The following C20orf204 variants were observed in gnomAD, a reference collection of about 807,000 sequenced individuals.
The protein encoded by C20orf204 is chromosome 20 open reading frame 204, also known as uncharacterized protein C20orf204.
A neutral mutation model predicts 3.6 loss-of-function variants in C20orf204; 6 were observed. The observed-to-expected ratio is 1.68, with a 90% CI of 0.92 to 3.31. The LOEUF (loss-of-function observed/expected upper bound fraction) is 3.31. Ranked by LOEUF, C20orf204 falls within the 30% of genes most tolerant of loss-of-function variation. C20orf204 has a pLI of 0.00. For synonymous variants in C20orf204, 80 were observed against 41.4 expected (o/e 1.93, Z -3.58); for missense variants, 167 against 89.7 (o/e 1.86, Z -3.48).
chr20:64,037,570 C>T, intron 1 of C20orf204: 1 of 204,474 alleles, frequency 4.9e-6, no homozygotes. Flanking sequence ...CCCACTCCCA[C>T]GTGGACCACA....
intron 3 of C20orf204, 63 bp from the exon 4 acceptor site, chr20:64,038,559 C>T: frequency 1.9e-6 from 1 of 521,748 alleles, no homozygotes; most frequent in Non-Finnish European, 3.3e-6. Flanking sequence ...GTCGCGTCTC[C>T]CTTCCCGGGC....
At chr20:64,035,863 CCA>C (rs1422641013), upstream of C20orf204, 1 of 152,458 alleles carries the variant, frequency 6.6e-6, no homozygotes, top group Non-Finnish European at 1.5e-5. Context: ...CACTTGCTGG[CCA>C]CAGAGTCGGC....
At chr20:64,034,434 A>G (rs2059330598), upstream of C20orf204, 1 of 152,286 alleles carries the variant, frequency 6.6e-6, no homozygotes, top group East Asian at 1.9e-4. Flanking sequence ...CCTTGAGGAC[A>G]TGGTCAATCC....
chr20:64,037,248 C>G (rs1253931587), intron 1 of C20orf204: 1 of 152,516 alleles, frequency 6.6e-6, no homozygotes, highest in Non-Finnish European at 1.5e-5. Flanking sequence ...GCTCCTTCCT[C>G]CTCTATAGCT....
chr20:64,037,326 T>A (rs911793042), intron 1 of C20orf204: 2 of 152,242 alleles, frequency 1.3e-5, no homozygotes, highest in African/African-American at 4.8e-5. Context: ...CCTGCCCCAG[T>A]TGGGTTGGGG....
Position 64,038,807 on chromosome 20 carries a change from G to T in C20orf204, c.*48G>T. ...CGGGGAGGAGAACCAGCGGGGCCGCGGCAGAGCCTGGAGACGCGCCTCGTT... is the reference window on the plus strand; with the variant it reads ...CGGGGAGGAGAACCAGCGGGGCCGCTGCAGAGCCTGGAGACGCGCCTCGTT... On this transcript the variant is annotated 3_prime_UTR_variant, in exon 4 of 4. Coordinates refer to ENST00000636176, the MANE Select transcript of C20orf204 (RefSeq NM_001387010.1). 1 of 698,326 alleles carries T rather than the reference G, an allele frequency of 1.4e-6. No homozygotes were observed. Among genetic ancestry groups the T allele is most frequent in the South Asian group, 1.5e-5 (1 of 66,286 alleles). The allele number at this position is 698,326 out of a possible 1,614,324, so 43.3% of individuals were successfully genotyped here.
intron 1 of C20orf204, chr20:64,037,524 C>G (rs1018758543): frequency 5.7e-6 from 1 of 174,226 alleles, no homozygotes; most frequent in African/African-American, 2.4e-5. Context: ...GGGCCCTGCT[C>G]TGTGCGGTCC....
At chr20:64,035,265 C>G (rs1336070744), upstream of C20orf204, 3 of 152,218 alleles carry the variant, frequency 2.0e-5, no homozygotes, top group East Asian at 1.9e-4. Context: ...TGCCCGGGTG[C>G]CAGAGCCTGG....
chr20:64,035,757 G>C (rs2059335611), upstream of C20orf204: 1 of 152,304 alleles, frequency 6.6e-6, no homozygotes, highest in African/African-American at 2.4e-5. Context: ...GCTGGGGCAG[G>C]GCCCCCTGGA....
At position 64,038,393 on chromosome 20, in the gene C20orf204, C is replaced by T; in HGVS notation, c.377C>T (p.Thr126Ile). ...RRGALERAAW[T>I]VAVRTEAVMR... ...GGGGCCCTGGAGAGAGCTGCTTGGA[C>T]CGTGGCTGTGCGCACCGAGGCGGTG... The change falls in exon 3 of 4, where the codon ACC (threonine) becomes ATC (isoleucine). Residue 126 changes from threonine to isoleucine, a missense_variant. Physicochemically the swap from Thr to Ile is moderately conservative, Grantham distance 89. Coordinates refer to ENST00000636176, the MANE Select transcript of C20orf204 (RefSeq NM_001387010.1). 1 of 770,958 alleles carries T rather than the reference C, an allele frequency of 1.3e-6. No individual in the cohort carries two copies. The highest frequency in any genetic ancestry group is 2.4e-6 in the Non-Finnish European group (1 of 415,054). 47.8% of individuals were successfully genotyped at this position (770,958 alleles called of 1,614,324 possible). A position where few individuals can be genotyped will look rare whatever the true frequency, so the allele number is the denominator to read the frequency against.
chr20:64,036,922 CCT>C lies in C20orf204; in HGVS notation c.3+597_3+598del, dbSNP rs1172545605. On this transcript the variant is annotated intron_variant, in intron 1 of 3. Coordinates refer to ENST00000636176, the MANE Select transcript of C20orf204 (RefSeq NM_001387010.1). ...TTGGGGTGCTGCTTGTTCAGGCTCCCCTGACAGGGCTAGGAAGCCGAGTCGAG... is the reference window on the plus strand; with the variant it reads ...TTGGGGTGCTGCTTGTTCAGGCTCCCGACAGGGCTAGGAAGCCGAGTCGAG... 4 of 152,488 alleles carry C rather than the reference CCT, an allele frequency of 2.6e-5. No homozygotes were observed. In the East Asian group the frequency reaches 7.7e-4, roughly 29 times the overall value. The allele number at this position is 152,488 out of a possible 1,614,324, so 9.4% of individuals were successfully genotyped here.
chr20:64,038,411 A>T lies in C20orf204; in HGVS notation c.395A>T (p.Glu132Val). 1.3e-6 allele frequency: 1 copy of T among 770,410 alleles called. No homozygotes were observed. The highest frequency in any genetic ancestry group is 2.4e-6 in the Non-Finnish European group (1 of 414,908). 47.7% of individuals were successfully genotyped at this position (770,410 alleles called of 1,614,324 possible). A position where few individuals can be genotyped will look rare whatever the true frequency, so the allele number is the denominator to read the frequency against. The change falls in exon 3 of 4, where the codon GAG (glutamate) becomes GTG (valine). Residue 132 changes from glutamate to valine, a missense_variant. By Grantham distance (121) the Glu-to-Val change is moderately radical. Coordinates refer to ENST00000636176, the MANE Select transcript of C20orf204 (RefSeq NM_001387010.1). ...GCTTGGACCGTGGCTGTGCGCACCG[A>T]GGCGGTGATGCGGCGCCACTGCAGG... ...RAAWTVAVRTEAVMRRHCRTL... is the reference protein window; with the variant it reads ...RAAWTVAVRTVAVMRRHCRTL...
chr20:64,034,631 TC>T (rs1386444964), upstream of C20orf204: 1 of 152,288 alleles, frequency 6.6e-6, no homozygotes, highest in Non-Finnish European at 1.5e-5. Context: ...TTTCCTTTGA[TC>T]CCTCATGGAG....
upstream of C20orf204, chr20:64,036,015 C>T (rs2059336485): frequency 6.6e-6 from 1 of 152,404 alleles, no homozygotes; most frequent in South Asian, 2.1e-4. Flanking sequence ...CCTGGATCCC[C>T]TGGGAGAGGT....
In C20orf204 at chr20:64,038,164, C is replaced by A; in HGVS notation, c.241C>A (p.Arg81=). The A allele has an allele frequency of 1.7e-6, 1 of 585,936 alleles. No homozygotes were observed. Among genetic ancestry groups the A allele is most frequent in the Non-Finnish European group, 3.1e-6 (1 of 323,038 alleles). 36.3% of individuals were successfully genotyped at this position (585,936 alleles called of 1,614,324 possible). A position where few individuals can be genotyped will look rare whatever the true frequency, so the allele number is the denominator to read the frequency against. The part of the protein sequence containing the change: ...KNLTRPGSSG[R]RGRPRASCGA... ...CCTGACTAGACCCGGGAGCTCGGGA[C>A]GGCGGGGACGGCCTCGGGCCTCCTG... is the stretch of plus-strand genomic sequence containing the variant. Residue 81 remains arginine, a synonymous_variant, in exon 2 of 4, where the codon CGG becomes AGG. Coordinates refer to ENST00000636176, the MANE Select transcript of C20orf204 (RefSeq NM_001387010.1).
upstream of C20orf204, among the ~76,000 whole-genome samples, chr20:64,033,875 CAGGTTGAACAGTGATGGTTCTCATCTCT>C (rs1349013649): frequency 1.8e-4 from 28 of 152,240 alleles, no homozygotes; most frequent in African/African-American, 6.3e-4. Flanking sequence ...TTCTCATCTC[CAGGTTGAACAGTGATGGTTCTCATCTCT>C]AGGTTGAACG....
chr20:64,038,740 C>T lies in C20orf204; in HGVS notation c.551C>T (p.Pro184Leu), dbSNP rs1266976285. ...CWEKLFALRA[P>L]ASRDS ...GAGAAGCTCTTCGCGCTGCGCGCCC[C>T]GGCCTCCAGGGACTCCTAGCGCGGC... The change falls in exon 4 of 4, where the codon CCG (proline) becomes CTG (leucine). Residue 184 changes from proline (P) to leucine (L), a missense_variant. Coordinates refer to ENST00000636176, the MANE Select transcript of C20orf204 (RefSeq NM_001387010.1). The T allele has an allele frequency of 2.9e-6, 2 of 691,022 alleles. No individual in the cohort carries two copies. Among genetic ancestry groups the T allele is most frequent in the Admixed American group, 2.1e-5 (1 of 48,270 alleles). 42.8% of individuals were successfully genotyped at this position (691,022 alleles called of 1,614,324 possible).
At chr20:64,038,529 C>A in intron 3 of C20orf204, 81 bp downstream of exon 3, 1 of 573,506 alleles carries the variant, frequency 1.7e-6, no homozygotes, top group Admixed American at 3.3e-5. Context: ...CTCCACGGCC[C>A]TAGGCTGAAG....
In C20orf204 at chr20:64,038,391, G is replaced by C; in HGVS notation, c.375G>C (p.Trp125Cys). ...GRRGALERAAWTVAVRTEAVM... is the reference protein window; with the variant it reads ...GRRGALERAACTVAVRTEAVM... ...GCGGGGCCCTGGAGAGAGCTGCTTG[G>C]ACCGTGGCTGTGCGCACCGAGGCGG... Residue 125 changes from tryptophan to cysteine, a missense_variant, in exon 3 of 4, where the codon TGG (tryptophan) becomes TGC (cysteine). Coordinates refer to ENST00000636176, the MANE Select transcript of C20orf204 (RefSeq NM_001387010.1). The C allele has an allele frequency of 1.3e-6, 1 of 771,198 alleles. No homozygotes were observed. The highest frequency in any genetic ancestry group is 2.4e-6 in the Non-Finnish European group (1 of 415,106). The allele number at this position is 771,198 out of a possible 1,614,324, so 47.8% of individuals were successfully genotyped here. A position where few individuals can be genotyped will look rare whatever the true frequency, so the allele number is the denominator to read the frequency against.
Sources: allele counts gnomAD v4.1 joint callset (sites outside exome capture counted in the v4.1 genomes callset), GRCh38; gene constraint gnomAD v4.1.1; transcripts MANE v1.5; gene names NCBI Gene and HGNC (gene_info 2026-07-23, HGNC 2026-07-21).